Variants in CHRM2 observed in about 807,000 individuals in gnomAD.
The protein encoded by CHRM2 is muscarinic acetylcholine receptor M2.
A neutral mutation model predicts 25.0 loss-of-function variants in CHRM2; 8 were observed. The observed-to-expected ratio is 0.32, with a 90% CI of 0.19 to 0.58. The LOEUF (loss-of-function observed/expected upper bound fraction) is 0.58. Among genes scored for constraint, CHRM2 ranks in the 20% least tolerant of loss-of-function variants. The pLI is 0.88. For missense variants in CHRM2, 440 were observed against 567.1 expected, an observed-to-expected ratio of 0.78 and a Z score of 2.28; for synonymous variants, 202 against 205.7, an observed-to-expected ratio of 0.98 and a Z score of 0.15.
chr7:136,928,058 A>G (rs1279901593), intron 2 of CHRM2, among the ~76,000 whole-genome samples: 1 of 152,166 alleles, frequency 6.6e-6, no homozygotes, highest in Non-Finnish European at 1.5e-5. Context: ...GCATTACTGG[A>G]GAGAATTTTG....
At chr7:136,978,928 T>C (rs541780904) in intron 2 of CHRM2, among the ~76,000 whole-genome samples, 324 of 152,350 alleles carry the variant, frequency 2.1e-3, no homozygotes, top group Non-Finnish European at 3.3e-3. Context: ...CATGTGTCTG[T>C]ATAGTAGAAT....
chr7:136,917,982 A>G (rs1156426329), intron 2 of CHRM2, among the ~76,000 whole-genome samples: 1 of 152,118 alleles, frequency 6.6e-6, no homozygotes, highest in African/African-American at 2.4e-5. Flanking sequence ...AACTCAATAA[A>G]AGTAGACACA....
At chr7:136,885,406 T>C (rs1055574732) in intron 2 of CHRM2, among the ~76,000 whole-genome samples, 9 of 152,210 alleles carry the variant, frequency 5.9e-5, no homozygotes, top group African/African-American at 1.7e-4. Flanking sequence ...AAAGAGGACA[T>C]TGTCCATATT....
intron 2 of CHRM2, among the ~76,000 whole-genome samples, chr7:136,947,418 A>T (rs1420967693): frequency 6.6e-6 from 1 of 152,182 alleles, no homozygotes; most frequent in East Asian, 1.9e-4. Context: ...TTGATAATTG[A>T]GGTATTTAGG....
rs1801586905 is a variant in CHRM2 at position 136,968,848 on chromosome 7, C to T, written c.-124-23339C>T. The stretch of plus-strand genomic sequence containing the variant: ...ATTATGCGGAGTGAAATAAGCCAGG[C>T]ACAAAAACACAAACACTGCACTATC... On this transcript the variant is annotated intron_variant, in intron 2 of 3. Transcript: ENST00000680005. Among the ~76,000 whole-genome samples, 3 of 151,398 alleles carry T rather than the reference C, an allele frequency of 2.0e-5. 1 individual carries two copies. In the South Asian group the frequency reaches 6.2e-4, roughly 31 times the overall value.
intron 2 of CHRM2, among the ~76,000 whole-genome samples, chr7:136,882,943 C>G (rs1796321979): frequency 6.6e-6 from 1 of 152,026 alleles, no homozygotes; most frequent in South Asian, 2.1e-4. Flanking sequence ...AGTACAGTTT[C>G]CTCTTTTTAC....
chr7:137,001,962 G>A (rs893083602), intron 3 of CHRM2, among the ~76,000 whole-genome samples: 7 of 152,026 alleles, frequency 4.6e-5, no homozygotes, highest in South Asian at 2.1e-4. Flanking sequence ...TCCTACACTC[G>A]CTGAACATAG....
At chr7:136,943,221 A>G (rs951973880) in intron 2 of CHRM2, among the ~76,000 whole-genome samples, 1 of 152,170 alleles carries the variant, frequency 6.6e-6, no homozygotes, top group Non-Finnish European at 1.5e-5. Flanking sequence ...AGGTTGTCTT[A>G]GTAATGTCTC....
chr7:136,938,565 C>T, intron 2 of CHRM2: 1 of 900,526 alleles, frequency 1.1e-6, no homozygotes, highest in Non-Finnish European at 1.9e-6. Flanking sequence ...ATGCCGCTGG[C>T]CCCACCATAG....
Position 137,015,394 on chromosome 7 carries a change from T to C in CHRM2, c.529T>C (p.Tyr177His). 2 of 1,613,532 alleles carry C rather than the reference T, an allele frequency of 1.2e-6. No individual in the cohort carries two copies. The highest frequency in any genetic ancestry group is 1.7e-6 in the Non-Finnish European group (2 of 1,179,662). The change falls in exon 4 of 4, where the codon TAC becomes CAC. Residue 177 changes from tyrosine (Y) to histidine (H), a missense_variant. This residue lies in a region of CHRM2 where 261 missense variants were observed against 261.8 expected (regional missense o/e 1.00). Transcript: ENST00000680005. This position sits in a 1 kb window ranked among gnomAD's most constrained non-coding sequence, Gnocchi z 5.1. ...GVRTVEDGEC[Y>H]IQFFSNAAVT... Reference sequence around the variant, plus strand: ...GAGAACTGTGGAGGATGGGGAGTGCTACATTCAGTTTTTTTCCAATGCTGC... The same window carrying C: ...GAGAACTGTGGAGGATGGGGAGTGCCACATTCAGTTTTTTTCCAATGCTGC...
chr7:136,963,320 C>T (rs866741252), intron 2 of CHRM2, among the ~76,000 whole-genome samples: 1 of 151,898 alleles, frequency 6.6e-6, no homozygotes, highest in African/African-American at 2.4e-5. Flanking sequence ...CTCGTAAGCA[C>T]GAGACATGGT....
intron 2 of CHRM2, among the ~76,000 whole-genome samples, chr7:136,920,656 T>G (rs17168800): frequency 6.6e-6 from 1 of 152,260 alleles, no homozygotes; most frequent in African/African-American, 2.4e-5. Flanking sequence ...ATTTGCATGT[T>G]AATTATTTTG....
intron 2 of CHRM2, among the ~76,000 whole-genome samples, chr7:136,969,536 A>C (rs1801629149): frequency 6.6e-6 from 1 of 151,982 alleles, no homozygotes; most frequent in Non-Finnish European, 1.5e-5. Context: ...TTCACCTCCA[A>C]ATCTCCTTCC....
intron 2 of CHRM2, among the ~76,000 whole-genome samples, chr7:136,944,757 G>A (rs1425898460): frequency 6.6e-6 from 1 of 151,878 alleles, no homozygotes; most frequent in Non-Finnish European, 1.5e-5. Flanking sequence ...ATTGTTTTCC[G>A]TAGTGGTTGT....
chr7:136,984,171 A>G (rs754549617), intron 2 of CHRM2, among the ~76,000 whole-genome samples: 2 of 152,108 alleles, frequency 1.3e-5, no homozygotes, highest in Non-Finnish European at 2.9e-5. Flanking sequence ...CAGTCTGGCT[A>G]TAGTGGTTTG....
chr7:136,945,336 T>C (rs1241784114), intron 2 of CHRM2, among the ~76,000 whole-genome samples: 1 of 152,198 alleles, frequency 6.6e-6, no homozygotes, highest in Non-Finnish European at 1.5e-5. Context: ...TTTCCAATGT[T>C]ATCTTCTATA....
chr7:136,986,261 A>T (rs1802846258), intron 2 of CHRM2, among the ~76,000 whole-genome samples: 1 of 152,144 alleles, frequency 6.6e-6, no homozygotes, highest in Non-Finnish European at 1.5e-5. Context: ...TATTTTTTTT[A>T]AATAAGTATT....
chr7:136,965,120 C>T (rs1801330875), intron 2 of CHRM2, among the ~76,000 whole-genome samples: 1 of 152,042 alleles, frequency 6.6e-6, no homozygotes, highest in African/African-American at 2.4e-5. Flanking sequence ...TTGTGGTGAG[C>T]TTTAAAATTA....
At chr7:136,976,685 C>T (rs1328606760) in intron 2 of CHRM2, among the ~76,000 whole-genome samples, 1 of 152,154 alleles carries the variant, frequency 6.6e-6, no homozygotes, top group African/African-American at 2.4e-5. Context: ...AGGGACTAGA[C>T]ATTAGCAACA....
Sources: allele counts gnomAD v4.1 joint callset (sites outside exome capture counted in the v4.1 genomes callset), GRCh38; gene constraint gnomAD v4.1.1; regional missense constraint gnomAD v4.1.1; non-coding constraint Gnocchi (gnomAD v3.1); transcripts MANE v1.5; gene names NCBI Gene and HGNC (gene_info 2026-07-23, HGNC 2026-07-21).